The following CSMD1 variants were observed in gnomAD, a reference collection of about 807,000 sequenced individuals.
CSMD1 encodes CUB and Sushi multiple domains 1.
A neutral mutation model predicts 417.5 loss-of-function variants in CSMD1; 213 were observed. The ratio of observed to expected loss-of-function variants is 0.51; its 90% CI spans 0.46 to 0.57. The LOEUF (loss-of-function observed/expected upper bound fraction) is 0.57, where lower values mean the gene tolerates loss of function less well. CSMD1 is among the 20% of genes least tolerant of loss of function. The pLI, the probability that CSMD1 is intolerant of heterozygous loss-of-function variation, is 0.00. For synonymous variants in CSMD1, 2,862 were observed against 1,736.8 expected, an observed-to-expected ratio of 1.65 and a Z score of -16.11; for missense variants, 6,923 against 4,529.7, an observed-to-expected ratio of 1.53 and a Z score of -15.17.
In CSMD1 at chr8:3,290,435, A is replaced by G. The variant is rs187261361; in HGVS notation, c.3951-6089T>C. ...CCTTGGGCGGTATGGCCATTTTCAC[A>G]ATATTGATTCTTCCTACCTATGAGC... On this transcript the variant is annotated intron_variant, in intron 25 of 69. Coordinates refer to ENST00000635120, the MANE Select transcript of CSMD1 (RefSeq NM_033225.6). Among the ~76,000 whole-genome samples the G allele has an allele frequency of 2.2e-4, 32 of 146,240 alleles. 3 individuals carry two copies. Among genetic ancestry groups the G allele is most frequent in the African/African-American group, 4.1e-4 (15 of 36,384 alleles).
chr8:3,757,707 G>T (rs576508356), intron 5 of CSMD1, among the ~76,000 whole-genome samples: 1 of 152,024 alleles, frequency 6.6e-6, no homozygotes, highest in East Asian at 2.0e-4. Context: ...TACTTAGCTG[G>T]GCATGGTGGC....
In CSMD1 at chr8:3,274,506, C is replaced by A. The variant is rs543855150; in HGVS notation, c.4153+9638G>T. Among the ~76,000 whole-genome samples the A allele has an allele frequency of 2.6e-5, 4 of 152,258 alleles. No homozygotes were observed. The East Asian group carries it at 7.7e-4, about 29-fold the overall frequency. On this transcript the variant is annotated intron_variant, in intron 26 of 69. Transcript: ENST00000635120. ...CTTGTTGACTTTCTGTCTTGTTGAT[C>A]TGTCTAAAGTTGACAGTGGGGTGTT... is the stretch of plus-strand genomic sequence containing the variant.
intron 5 of CSMD1, among the ~76,000 whole-genome samples, chr8:3,761,600 G>A (rs1345306000): frequency 6.8e-6 from 1 of 146,386 alleles, no homozygotes; most frequent in Non-Finnish European, 1.5e-5. Context: ...CTCCCCACCA[G>A]GTTCAAGCCA....
At chr8:3,642,106 C>T (rs1228552754) in intron 7 of CSMD1, among the ~76,000 whole-genome samples, 1 of 151,732 alleles carries the variant, frequency 6.6e-6, no homozygotes, top group African/African-American at 2.4e-5. Flanking sequence ...CAGCCTACAG[C>T]CACTCAAAAT....
intron 1 of CSMD1, among the ~76,000 whole-genome samples, chr8:4,938,536 G>C (rs539508518): frequency 2.6e-5 from 4 of 152,316 alleles, no homozygotes; most frequent in Admixed American, 1.3e-4. Context: ...ACACTGTGCT[G>C]AGTATGACAG....
intron 50 of CSMD1, among the ~76,000 whole-genome samples, chr8:3,031,914 T>G (rs1235756940): frequency 6.6e-6 from 1 of 151,756 alleles, no homozygotes; most frequent in Non-Finnish European, 1.5e-5. Context: ...AAACACTGTC[T>G]TTTTACATTT....
At chr8:3,584,939 A>G (rs1800534209) in intron 9 of CSMD1, among the ~76,000 whole-genome samples, 1 of 152,158 alleles carries the variant, frequency 6.6e-6, no homozygotes, top group Admixed American at 6.5e-5. Context: ...TGAAAAATGC[A>G]CAATCAAAGT....
intron 1 of CSMD1, among the ~76,000 whole-genome samples, chr8:4,818,610 A>G (rs1166918357): frequency 6.6e-6 from 1 of 152,148 alleles, no homozygotes; most frequent in Non-Finnish European, 1.5e-5. Context: ...CACTTGTCAC[A>G]CCCTTGAGGG....
intron 1 of CSMD1, among the ~76,000 whole-genome samples, chr8:4,926,396 A>G (rs1285092187): frequency 6.6e-6 from 1 of 152,168 alleles, no homozygotes; most frequent in African/African-American, 2.4e-5. Context: ...TGTATTTGTG[A>G]GATCTACGCA....
chr8:4,851,532 T>G (rs374785053), intron 1 of CSMD1, among the ~76,000 whole-genome samples: 2 of 152,232 alleles, frequency 1.3e-5, no homozygotes, highest in African/African-American at 2.4e-5. Flanking sequence ...TCTCCAGGGT[T>G]GAGGTAGTCT....
chr8:3,771,686 G>T (rs757048797), intron 5 of CSMD1, among the ~76,000 whole-genome samples: 2 of 152,130 alleles, frequency 1.3e-5, no homozygotes, highest in South Asian at 2.1e-4. Flanking sequence ...GAACGGAGAG[G>T]CCCCTAAAGA....
chr8:3,925,654 T>C (rs1809602284), intron 5 of CSMD1, among the ~76,000 whole-genome samples: 1 of 151,934 alleles, frequency 6.6e-6, no homozygotes, highest in South Asian at 2.1e-4. Flanking sequence ...TTATCAGAGG[T>C]TTCCACTTTT....
chr8:3,042,614 T>G (rs1261733072), intron 50 of CSMD1, among the ~76,000 whole-genome samples: 1 of 152,098 alleles, frequency 6.6e-6, no homozygotes. Context: ...CCATCTTCAG[T>G]GCTGACTCCA....
intron 3 of CSMD1, among the ~76,000 whole-genome samples, chr8:4,040,037 A>G (rs901478628): frequency 4.1e-5 from 6 of 146,998 alleles, no homozygotes; most frequent in Non-Finnish European, 7.5e-5. Flanking sequence ...TATTTTCCCA[A>G]TTCTAAAGCA....
chr8:4,508,748 A>G (rs1360780295), intron 2 of CSMD1, among the ~76,000 whole-genome samples: 1 of 152,180 alleles, frequency 6.6e-6, no homozygotes, highest in East Asian at 1.9e-4. Flanking sequence ...AAATGTAAAG[A>G]TGTAAAACAC....
intron 2 of CSMD1, among the ~76,000 whole-genome samples, chr8:4,447,161 A>G (rs532172619): frequency 3.3e-5 from 5 of 152,330 alleles, no homozygotes; most frequent in African/African-American, 1.2e-4. Context: ...ATTTTAATAA[A>G]TTATTGATCC....
Position 3,899,560 on chromosome 8 carries a change from GGTT to G in CSMD1, c.818+98340_818+98342del, listed in dbSNP as rs144004758. ...AAACATCTAAGGACATTAAAAAGAA[GGTT>G]GTTGTTGTAAAATTTCTGTTTCTCA... On this transcript the variant is annotated intron_variant, in intron 5 of 69. Coordinates refer to ENST00000635120, the MANE Select transcript of CSMD1 (RefSeq NM_033225.6). Among the ~76,000 whole-genome samples the G allele has an allele frequency of 1.6e-4, 24 of 152,298 alleles. No homozygotes were observed. The East Asian group carries it at 3.3e-3, about 21-fold the overall frequency.
chr8:4,182,083 A>T (rs1255056605), intron 3 of CSMD1, among the ~76,000 whole-genome samples: 4 of 151,822 alleles, frequency 2.6e-5, no homozygotes, highest in Non-Finnish European at 5.9e-5. Flanking sequence ...AGGTATTTAA[A>T]CCTACCTGAA....
At chr8:4,373,857 T>C (rs776549693) in intron 3 of CSMD1, among the ~76,000 whole-genome samples, 1 of 152,210 alleles carries the variant, frequency 6.6e-6, no homozygotes, top group Non-Finnish European at 1.5e-5. Context: ...TGTATATGTA[T>C]AATTCTTTCT....
Sources: allele counts gnomAD v4.1 joint callset (sites outside exome capture counted in the v4.1 genomes callset), GRCh38; gene constraint gnomAD v4.1.1; transcripts MANE v1.5; gene names NCBI Gene and HGNC (gene_info 2026-07-23, HGNC 2026-07-21).